The following DPP10 variants were observed in gnomAD, a reference collection of about 807,000 sequenced individuals.
DPP10 encodes dipeptidyl peptidase like 10.
In DPP10, 33 loss-of-function variants were observed where a neutral mutation model predicts 120.9. The ratio of observed to expected loss-of-function variants is 0.27; its 90% CI spans 0.21 to 0.37. The LOEUF is 0.37. Ranked by LOEUF, DPP10 falls within the 10% of genes least tolerant of loss-of-function variation. The pLI is 1.00. For missense variants in DPP10, 816 were observed against 942.8 expected, an observed-to-expected ratio of 0.87 and a Z score of 1.76; for synonymous variants, 337 against 326.1, an observed-to-expected ratio of 1.03 and a Z score of -0.36.
At chr2:115,516,722 AG>A (rs1240368434) in intron 4 of DPP10, among the ~76,000 whole-genome samples, 4 of 152,170 alleles carry the variant, frequency 2.6e-5, no homozygotes, top group South Asian at 4.1e-4. Context: ...CAATATGCTA[AG>A]TTGTAAATTA....
intron 2 of DPP10, among the ~76,000 whole-genome samples, chr2:115,334,230 G>GTTTTTTTT: frequency 0.012 from 696 of 56,384 alleles, 182 homozygotes; most frequent in East Asian, 0.044. Context: ...AGCAGACTCT[G>GTTTTTTTT]TTTTTTTTTT....
intron 3 of DPP10, among the ~76,000 whole-genome samples, chr2:115,457,412 C>T (rs1383767140): frequency 6.6e-6 from 1 of 152,072 alleles, no homozygotes; most frequent in African/African-American, 2.4e-5. Context: ...ATAAACTTGA[C>T]TTATTGCTAA....
chr2:115,644,463 T>G (rs941767420), intron 5 of DPP10, among the ~76,000 whole-genome samples: 1 of 152,038 alleles, frequency 6.6e-6, no homozygotes, highest in African/African-American at 2.4e-5. Context: ...GTAATAATAG[T>G]TTCTTAGTTT....
chr2:115,344,830 A>C (rs2106266143), intron 3 of DPP10, among the ~76,000 whole-genome samples: 1 of 152,252 alleles, frequency 6.6e-6, no homozygotes, highest in South Asian at 2.1e-4. Flanking sequence ...ATCTTTGCTA[A>C]TTTTCAAGGC....
intron 10 of DPP10, among the ~76,000 whole-genome samples, chr2:115,749,081 G>A (rs1286154982): frequency 2.0e-5 from 3 of 152,156 alleles, no homozygotes; most frequent in African/African-American, 7.2e-5. Flanking sequence ...GAACTAGTGG[G>A]AGTTGGATGG....
intron 2 of DPP10, among the ~76,000 whole-genome samples, chr2:115,311,611 C>T (rs1337513748): frequency 6.6e-6 from 1 of 152,098 alleles, no homozygotes; most frequent in African/African-American, 2.4e-5. Flanking sequence ...TTGTAGTTGG[C>T]CCTGCACTTT....
chr2:115,181,002 C>CTTTAGGAATTTTACTTA (rs138511032), intron 1 of DPP10, among the ~76,000 whole-genome samples: 56,133 of 151,504 alleles, frequency 0.37, 12,138 homozygotes, highest in Non-Finnish European at 0.49. Flanking sequence ...TAAAAATATA[C>CTTTAGGAATTTTACTTA]GTCACTTAGT....
At chr2:115,078,446 A>C (rs547056116) in intron 1 of DPP10, among the ~76,000 whole-genome samples, 1 of 152,328 alleles carries the variant, frequency 6.6e-6, no homozygotes, top group Admixed American at 6.5e-5. Context: ...GAATTACGAG[A>C]AAATATCATC....
At chr2:115,076,868 T>C (rs1259459640) in intron 1 of DPP10, among the ~76,000 whole-genome samples, 3 of 152,204 alleles carry the variant, frequency 2.0e-5, no homozygotes, top group Non-Finnish European at 4.4e-5. Context: ...ACACAGGATA[T>C]TTCTTTCTTG....
intron 1 of DPP10, among the ~76,000 whole-genome samples, chr2:115,261,104 T>G (rs2059232242): frequency 6.6e-6 from 1 of 152,140 alleles, no homozygotes; most frequent in Non-Finnish European, 1.5e-5. Flanking sequence ...GAGGAGGAGC[T>G]ATAGTCTCTG....
chr2:115,267,308 A>G (rs2059502401), intron 1 of DPP10, among the ~76,000 whole-genome samples: 3 of 152,314 alleles, frequency 2.0e-5, no homozygotes, highest in Admixed American at 1.3e-4. Context: ...TCGAACATAT[A>G]TGCAATATGT....
chr2:114,867,032 C>A (rs1257003453), intron 1 of DPP10, among the ~76,000 whole-genome samples: 1 of 152,190 alleles, frequency 6.6e-6, no homozygotes, highest in Non-Finnish European at 1.5e-5. Flanking sequence ...GGATGAATTT[C>A]TGTTCTGTAT....
chr2:114,505,934 A>G (rs933541185), intron 1 of DPP10, among the ~76,000 whole-genome samples: 2 of 152,222 alleles, frequency 1.3e-5, no homozygotes, highest in African/African-American at 4.8e-5. Flanking sequence ...AATGATTTCT[A>G]TGCCTCATTC....
intron 1 of DPP10, among the ~76,000 whole-genome samples, chr2:115,005,053 C>A (rs1701717285): frequency 6.6e-6 from 1 of 151,638 alleles, no homozygotes; most frequent in Non-Finnish European, 1.5e-5. Context: ...CAAGTGGGTC[C>A]CTGACCCCTG....
chr2:115,427,996 T>C (rs1393505562), intron 3 of DPP10, among the ~76,000 whole-genome samples: 1 of 152,184 alleles, frequency 6.6e-6, no homozygotes, highest in Non-Finnish European at 1.5e-5. Flanking sequence ...CTAAATCATC[T>C]CTCTGAAGTT....
chr2:114,743,706 T>C (rs116194117), intron 1 of DPP10, among the ~76,000 whole-genome samples: 1,813 of 152,264 alleles, frequency 0.012, 43 homozygotes, highest in African/African-American at 0.041. Flanking sequence ...ATGAACTGAG[T>C]TTGCTCATCT....
intron 1 of DPP10, among the ~76,000 whole-genome samples, chr2:114,879,762 C>T (rs1202897089): frequency 6.6e-6 from 1 of 152,120 alleles, no homozygotes; most frequent in African/African-American, 2.4e-5. Flanking sequence ...AACAGGACTT[C>T]TAAGTCATCT....
chr2:115,761,978 G>T lies in DPP10; in HGVS notation c.1075-594G>T, dbSNP rs1196697867. The stretch of plus-strand genomic sequence containing the variant: ...TGTTTTTTCTACACATATTTAACGA[G>T]GTTAAATTAGTCTAATTTTGCTTTT... On this transcript the variant is annotated intron_variant, in intron 11 of 25. Coordinates refer to ENST00000410059, the MANE Select transcript of DPP10 (RefSeq NM_020868.6). Among the ~76,000 whole-genome samples, 5 of 152,020 alleles carry T rather than the reference G, an allele frequency of 3.3e-5. No homozygotes were observed. In the East Asian group the frequency reaches 9.6e-4, roughly 29 times the overall value.
chr2:115,428,883 T>A (rs1379930517), intron 3 of DPP10, among the ~76,000 whole-genome samples: 1 of 152,170 alleles, frequency 6.6e-6, no homozygotes, highest in Non-Finnish European at 1.5e-5. Flanking sequence ...ATTGGCTGAA[T>A]CGGACCTTAT....
Sources: allele counts gnomAD v4.1 joint callset (sites outside exome capture counted in the v4.1 genomes callset), GRCh38; gene constraint gnomAD v4.1.1; transcripts MANE v1.5; gene names NCBI Gene and HGNC (gene_info 2026-07-23, HGNC 2026-07-21).